Variants in RAD54L2 observed in about 807,000 individuals in gnomAD.
The protein encoded by RAD54L2 is RAD54 like 2.
A neutral mutation model predicts 138.4 loss-of-function variants in RAD54L2; 27 were observed. That is an observed-to-expected ratio of 0.20 (90% CI 0.14 to 0.27). RAD54L2 has a LOEUF of 0.27. RAD54L2 is among the 10% of genes least tolerant of loss of function. RAD54L2 has a pLI of 1.00. For missense variants in RAD54L2, 1,396 were observed against 1,890.2 expected (o/e 0.74, Z 4.85); for synonymous variants, 644 against 723.2 (o/e 0.89, Z 1.76).
At chr3:51,604,816 T>C (rs1363238161) in intron 3 of RAD54L2, among the ~76,000 whole-genome samples, 2 of 152,172 alleles carry the variant, frequency 1.3e-5, no homozygotes, top group African/African-American at 2.4e-5. Flanking sequence ...ACCACAGACT[T>C]GGGACTGGGG....
At chr3:51,614,749 G>A (rs1700407130) in intron 3 of RAD54L2, among the ~76,000 whole-genome samples, 1 of 152,114 alleles carries the variant, frequency 6.6e-6, no homozygotes, top group African/African-American at 2.4e-5. Context: ...CTGGGCTCAA[G>A]CAATCTTCCT....
chr3:51,591,530 G>A (rs2106712682), intron 3 of RAD54L2, among the ~76,000 whole-genome samples: 1 of 152,240 alleles, frequency 6.6e-6, no homozygotes, highest in South Asian at 2.1e-4. Flanking sequence ...CTGTCATGTG[G>A]CTTGGGAATC....
chr3:51,630,665 C>T (rs764232843), intron 6 of RAD54L2, 40 bp from the exon 7 acceptor site: 6 of 1,519,640 alleles, frequency 3.9e-6, no homozygotes, highest in Admixed American at 1.8e-5. Flanking sequence ...ATTATCTTCA[C>T]TCCCTGGATT....
At chr3:51,613,626 G>T (rs555739960) in intron 3 of RAD54L2, among the ~76,000 whole-genome samples, 1 of 152,082 alleles carries the variant, frequency 6.6e-6, no homozygotes, top group African/African-American at 2.4e-5. Flanking sequence ...GATTAGCTGG[G>T]CATGGTGGCG....
At chr3:51,612,518 C>T (rs1700352908) in intron 3 of RAD54L2, among the ~76,000 whole-genome samples, 1 of 152,086 alleles carries the variant, frequency 6.6e-6, no homozygotes, top group Non-Finnish European at 1.5e-5. Context: ...ATTTCTGAAG[C>T]AGTGATGCAG....
intron 5 of RAD54L2, 30 bp from the exon 6 acceptor site, chr3:51,630,242 C>A: frequency 6.4e-7 from 1 of 1,574,424 alleles, no homozygotes; most frequent in Non-Finnish European, 8.7e-7. Context: ...GTGGTCTTGA[C>A]ACCGTTCCCT....
chr3:51,588,550 A>G (rs956611901), intron 2 of RAD54L2, among the ~76,000 whole-genome samples: 27 of 151,692 alleles, frequency 1.8e-4, no homozygotes, highest in South Asian at 1.0e-3. Context: ...AAAAAAAAAA[A>G]AAAAGAAAAG....
At chr3:51,566,473 T>G (rs1699220988) in intron 2 of RAD54L2, among the ~76,000 whole-genome samples, 2 of 128,700 alleles carry the variant, frequency 1.6e-5, no homozygotes, top group South Asian at 2.8e-4. Context: ...TGCGTTTTTT[T>G]TTTTTTTTTT....
In RAD54L2 at chr3:51,626,436, C is replaced by CT. The variant is rs768354274; in HGVS notation, c.140-1091dup. Among the ~76,000 whole-genome samples the CT allele has an allele frequency of 3.9e-3, 153 of 39,388 alleles. 22 individuals carry two copies. Among genetic ancestry groups the CT allele is most frequent in the East Asian group, 0.031 (26 of 834 alleles). The allele number at this position is 39,388 out of a possible 152,430, so 25.8% of individuals were successfully genotyped here. A position where few individuals can be genotyped will look rare whatever the true frequency, so the allele number is the denominator to read the frequency against. ...TGACATCCCCTGGACCCCCAACGAT[C>CT]TTTTTTTTTTTTTTTTTTTTTTTTT... On this transcript the variant is annotated intron_variant, in intron 3 of 22. Transcript: ENST00000684192.
In RAD54L2 at chr3:51,663,082, T is replaced by G. The variant is rs1255179878; in HGVS notation, c.4066T>G (p.Ser1356Ala). The change falls in exon 23 of 23, where the codon TCT becomes GCT. Residue 1356 changes from serine to alanine, a missense_variant. Around this residue, in one of 7 missense-constraint regions of RAD54L2, gnomAD observed 634 missense variants for 711.2 expected, o/e 0.89. Transcript: ENST00000684192. ...GGTGCCAGCAGGCCCCGTCAGTTCC[T>G]CTTCCACGGCTACCTCAGTCACTGC... Reference protein sequence around the residue: ...PLVPAGPVSSSSTATSVTASN... With the variant: ...PLVPAGPVSSASTATSVTASN... 2.4e-5 allele frequency: 38 copies of G among 1,613,862 alleles called. No homozygotes were observed. Among genetic ancestry groups the G allele is most frequent in the Non-Finnish European group, 2.5e-5 (30 of 1,179,888 alleles).
At chr3:51,622,763 A>G (rs1700594424) in intron 3 of RAD54L2, among the ~76,000 whole-genome samples, 1 of 152,210 alleles carries the variant, frequency 6.6e-6, no homozygotes, top group African/African-American at 2.4e-5. Context: ...CAGCATCCAG[A>G]GAAGGATCTT....
intron 3 of RAD54L2, among the ~76,000 whole-genome samples, chr3:51,612,055 T>G (rs929596261): frequency 3.3e-5 from 5 of 152,240 alleles, no homozygotes; most frequent in Admixed American, 1.3e-4. Flanking sequence ...ATTCAGCATT[T>G]ATGTTTGGCT....
intron 3 of RAD54L2, among the ~76,000 whole-genome samples, chr3:51,613,953 T>A (rs1262505185): frequency 6.6e-6 from 1 of 151,994 alleles, no homozygotes; most frequent in Non-Finnish European, 1.5e-5. Flanking sequence ...TGGAATCGAG[T>A]GGATAGAGGT....
At chr3:51,592,506 T>C (rs1219488787) in intron 3 of RAD54L2, among the ~76,000 whole-genome samples, 1 of 152,188 alleles carries the variant, frequency 6.6e-6, no homozygotes, top group Admixed American at 6.5e-5. Context: ...ACCATTTTTA[T>C]ATTTCACTAC....
At chr3:51,570,973 C>T (rs1040825026) in intron 2 of RAD54L2, among the ~76,000 whole-genome samples, 4 of 151,960 alleles carry the variant, frequency 2.6e-5, no homozygotes, top group African/African-American at 7.3e-5. Flanking sequence ...AGGTGCCTGC[C>T]ACCGTGCCTG....
chr3:51,641,187 G>A (rs1271118973), intron 14 of RAD54L2, among the ~76,000 whole-genome samples: 4 of 152,120 alleles, frequency 2.6e-5, no homozygotes, highest in African/African-American at 9.7e-5. Context: ...TGGATTTTTA[G>A]TAGAGATGGG....
intron 6 of RAD54L2, 32 bp downstream of exon 6, chr3:51,630,420 C>T (rs372008794): frequency 2.3e-5 from 36 of 1,565,140 alleles, no homozygotes; most frequent in Middle Eastern, 1.9e-4. Context: ...CCCTTTCTTC[C>T]GACCTGGTGT....
chr3:51,567,704 T>C (rs1462464954), intron 2 of RAD54L2, among the ~76,000 whole-genome samples: 1 of 152,072 alleles, frequency 6.6e-6, no homozygotes, highest in Admixed American at 6.6e-5. Flanking sequence ...TATGTAATTA[T>C]TCTTTTAATT....
chr3:51,630,024 C>T (rs575860847), intron 5 of RAD54L2, among the ~76,000 whole-genome samples: 18 of 152,204 alleles, frequency 1.2e-4, no homozygotes, highest in African/African-American at 3.9e-4. Context: ...TTCCTCATAA[C>T]TTTGGATTTT....
Sources: allele counts gnomAD v4.1 joint callset (sites outside exome capture counted in the v4.1 genomes callset), GRCh38; gene constraint gnomAD v4.1.1; regional missense constraint gnomAD v4.1.1; transcripts MANE v1.5; gene names NCBI Gene and HGNC (gene_info 2026-07-23, HGNC 2026-07-21).